FMN1: variants seen among roughly 807,000 people sequenced by gnomAD.
FMN1 encodes the protein formin 1, also known as formin-1.
A neutral mutation model predicts 132.4 loss-of-function variants in FMN1; 110 were observed. The observed-to-expected ratio is 0.83, with a 90% CI of 0.71 to 0.97. The LOEUF is 0.97. Ranked by LOEUF, FMN1 falls within the 50% of genes least tolerant of loss-of-function variation. FMN1 has a pLI of 0.00. For missense variants in FMN1, 1,792 were observed against 1,705.3 expected, an observed-to-expected ratio of 1.05 and a Z score of -0.90; for synonymous variants, 722 against 651.7, an observed-to-expected ratio of 1.11 and a Z score of -1.64.
At chr15:32,944,528 T>C (rs2061464308) in intron 9 of FMN1, among the ~76,000 whole-genome samples, 1 of 152,222 alleles carries the variant, frequency 6.6e-6, no homozygotes, top group African/African-American at 2.4e-5. Context: ...TCTGAATCTC[T>C]TCCATGGCCT....
intron 2 of FMN1, among the ~76,000 whole-genome samples, chr15:33,192,278 G>A (rs1438580314): frequency 2.0e-5 from 3 of 152,182 alleles, no homozygotes; most frequent in Non-Finnish European, 4.4e-5. Context: ...ATCACATCAA[G>A]TTCCAGTCTG....
intron 7 of FMN1, among the ~76,000 whole-genome samples, chr15:33,003,272 AGAT>A (rs1233926348): frequency 1.3e-5 from 2 of 152,234 alleles, no homozygotes; most frequent in African/African-American, 4.8e-5. Context: ...CCCTGTTTGC[AGAT>A]GACGTGATTG....
At chr15:33,027,722 G>A (rs1235837217) in intron 6 of FMN1, among the ~76,000 whole-genome samples, 4 of 152,010 alleles carry the variant, frequency 2.6e-5, no homozygotes, top group Non-Finnish European at 4.4e-5. Context: ...AAAGTGAACG[G>A]GATAAACAAT....
chr15:33,097,939 C>T (rs2039150061), intron 4 of FMN1, among the ~76,000 whole-genome samples: 1 of 152,128 alleles, frequency 6.6e-6, no homozygotes, highest in African/African-American at 2.4e-5. Context: ...TTCACAGTAA[C>T]TGTAGAATAT....
At chr15:33,145,903 G>A (rs1332224393) in intron 4 of FMN1, among the ~76,000 whole-genome samples, 2 of 151,602 alleles carry the variant, frequency 1.3e-5, no homozygotes, top group Non-Finnish European at 2.9e-5. Context: ...AGACTTGAAC[G>A]TTTTAGAAAA....
chr15:32,938,421 C>T (rs891245463), intron 9 of FMN1, among the ~76,000 whole-genome samples: 16 of 152,000 alleles, frequency 1.1e-4, no homozygotes, highest in Admixed American at 5.9e-4. Context: ...CCCAGCTCCT[C>T]GGGAGGCTGA....
chr15:32,838,092 C>T (rs1048967448), intron 17 of FMN1, among the ~76,000 whole-genome samples: 7 of 151,956 alleles, frequency 4.6e-5, no homozygotes, highest in Middle Eastern at 3.2e-3. Context: ...AATAAAAGGC[C>T]GGCACGTTCA....
chr15:33,128,587 C>T (rs918498332), intron 4 of FMN1, among the ~76,000 whole-genome samples: 6 of 152,234 alleles, frequency 3.9e-5, no homozygotes, highest in Admixed American at 6.5e-5. Context: ...CGTTCGTGGT[C>T]TAACTTCACA....
chr15:32,907,639 C>A (rs549883737), intron 12 of FMN1, among the ~76,000 whole-genome samples: 1 of 152,266 alleles, frequency 6.6e-6, no homozygotes, highest in African/African-American at 2.4e-5. Context: ...ACTGGTAACC[C>A]TGATCTGATA....
intron 9 of FMN1, among the ~76,000 whole-genome samples, chr15:32,958,487 TTTC>T (rs1201564755): frequency 6.6e-6 from 1 of 152,188 alleles, no homozygotes; most frequent in Non-Finnish European, 1.5e-5. Context: ...ATGGGTAAGA[TTTC>T]TTCTAATTCC....
At chr15:32,873,509 C>T (rs1021135586) in intron 16 of FMN1, among the ~76,000 whole-genome samples, 1 of 152,124 alleles carries the variant, frequency 6.6e-6, no homozygotes, top group Admixed American at 6.5e-5. Flanking sequence ...CCAGCAGCCC[C>T]TGGTAGTCTG....
intron 6 of FMN1, chr15:33,012,872 A>C (rs1030711992): frequency 2.4e-5 from 14 of 593,606 alleles, no homozygotes; most frequent in Non-Finnish European, 4.5e-5. Context: ...GATGGGAGCA[A>C]CACTGGAGGT....
rs532972383 is a variant in FMN1, at chr15:32,798,050, T to A, written c.4130+754A>T. Among the ~76,000 whole-genome samples, 10 of 152,276 alleles carry A rather than the reference T, an allele frequency of 6.6e-5. No individual in the cohort carries two copies. The East Asian group carries it at 1.9e-3, about 29-fold the overall frequency. On this transcript the variant is annotated intron_variant, in intron 19 of 20. Coordinates refer to ENST00000616417, the MANE Select transcript of FMN1 (RefSeq NM_001277313.2). ...TACATCTGTTCCACAGGAGTAGTAG[T>A]AAGACCTGTTTGAAATTTAAATCCA...
chr15:32,830,180 G>C (rs1426793620), intron 17 of FMN1, among the ~76,000 whole-genome samples: 1 of 151,914 alleles, frequency 6.6e-6, no homozygotes, highest in East Asian at 1.9e-4. Context: ...AAAAGTAAAT[G>C]AAGTTATTGG....
intron 16 of FMN1, among the ~76,000 whole-genome samples, chr15:32,876,787 G>A (rs1399090005): frequency 1.3e-5 from 2 of 152,202 alleles, no homozygotes; most frequent in East Asian, 3.8e-4. Context: ...AGTATGTAGG[G>A]AAGACCTATA....
At chr15:32,814,212 A>C (rs571006532) in intron 17 of FMN1, among the ~76,000 whole-genome samples, 1 of 152,322 alleles carries the variant, frequency 6.6e-6, no homozygotes, top group African/African-American at 2.4e-5. Flanking sequence ...ACTTATCACC[A>C]TTAATAGAAG....
intron 4 of FMN1, among the ~76,000 whole-genome samples, chr15:33,136,580 A>C (rs193007654): frequency 8.5e-4 from 129 of 152,280 alleles, no homozygotes; most frequent in Admixed American, 1.8e-3. Context: ...AAACAGAAGC[A>C]AGGATCGTGG....
chr15:32,874,220 G>A (rs1449292835), intron 16 of FMN1, among the ~76,000 whole-genome samples: 4 of 151,548 alleles, frequency 2.6e-5, no homozygotes, highest in East Asian at 1.9e-4. Context: ...ACGGGATTTC[G>A]CTATGTTGGT....
At chr15:33,097,618 T>C (rs1312517192) in intron 4 of FMN1, among the ~76,000 whole-genome samples, 2 of 152,080 alleles carry the variant, frequency 1.3e-5, no homozygotes, top group Non-Finnish European at 2.9e-5. Flanking sequence ...GAAACCACCT[T>C]AGGGAAAAAT....
Sources: gnomAD v4.1 joint callset for allele counts (sites outside exome capture counted in the v4.1 genomes callset) on GRCh38, gnomAD v4.1.1 for gene constraint, MANE v1.5 for transcripts, NCBI Gene and HGNC (gene_info 2026-07-23, HGNC 2026-07-21) for gene names.